Variants in GPC3 observed in about 807,000 individuals in gnomAD.
The protein encoded by GPC3 is glypican 3.
Under a neutral mutation model 34.4 loss-of-function variants are expected in GPC3, and 3 were observed. That is an observed-to-expected ratio of 0.09 (90% CI 0.04 to 0.23). The LOEUF (loss-of-function observed/expected upper bound fraction) is 0.23. GPC3 is among the 10% of genes least tolerant of loss of function. GPC3 has a pLI of 1.00. For missense variants in GPC3, 351 were observed against 445.6 expected (o/e 0.79, Z 1.91); for synonymous variants, 177 against 174.0 (o/e 1.02, Z -0.13).
chrX:133,588,301 G>A (rs948101424), intron 7 of GPC3, among the ~76,000 whole-genome samples: 2 of 111,118 alleles, frequency 1.8e-5, no homozygotes, highest in African/African-American at 6.5e-5. Context: ...GTTACCAACA[G>A]GGTAGTATAA....
intron 7 of GPC3, among the ~76,000 whole-genome samples, chrX:133,569,386 T>G (rs751687276): frequency 9.0e-6 from 1 of 111,538 alleles, no homozygotes; most frequent in South Asian, 3.8e-4. Context: ...AGACCAACTA[T>G]GGGACACTGA....
chrX:133,751,159 A>G (rs189001431), intron 3 of GPC3, among the ~76,000 whole-genome samples: 1 of 110,953 alleles, frequency 9.0e-6, no homozygotes, highest in African/African-American at 3.3e-5. Context: ...TTCCAGATCA[A>G]TTGTGTTGCT....
At chrX:133,547,697 G>C (rs936851967) in intron 7 of GPC3, among the ~76,000 whole-genome samples, 1 of 109,471 alleles carries the variant, frequency 9.1e-6, no homozygotes, top group African/African-American at 3.3e-5. Context: ...TTGAGACAGG[G>C]TCTGGCTCTG....
chrX:133,790,523 C>A (rs2072149718), intron 2 of GPC3, among the ~76,000 whole-genome samples: 1 of 111,818 alleles, frequency 8.9e-6, no homozygotes, highest in African/African-American at 3.3e-5. Context: ...ATATACATAT[C>A]TTTCAAAAGA....
chrX:133,750,095 T>C (rs780691545), intron 3 of GPC3, among the ~76,000 whole-genome samples: 1 of 111,954 alleles, frequency 8.9e-6, no homozygotes, highest in Admixed American at 9.4e-5. Flanking sequence ...CACACTCTCA[T>C]AACCAGCTGG....
At chrX:133,643,509 GTATT>G (rs1284046362) in intron 6 of GPC3, among the ~76,000 whole-genome samples, 1 of 111,820 alleles carries the variant, frequency 8.9e-6, no homozygotes, top group East Asian at 2.8e-4. Flanking sequence ...TTTTTAAAAA[GTATT>G]TGGGCAGAGT....
intron 2 of GPC3, among the ~76,000 whole-genome samples, chrX:133,807,736 T>C (rs2075643789): frequency 8.9e-6 from 1 of 112,379 alleles, no homozygotes; most frequent in South Asian, 3.7e-4. Flanking sequence ...GCTCAAGAGA[T>C]GTACAAATCT....
intron 5 of GPC3, among the ~76,000 whole-genome samples, chrX:133,670,325 C>G (rs957863048): frequency 2.7e-5 from 3 of 111,501 alleles, no homozygotes; most frequent in African/African-American, 9.8e-5. Flanking sequence ...ATCACAAGTC[C>G]CACATTTAGA....
At chrX:133,572,596 G>A (rs1326603434) in intron 7 of GPC3, among the ~76,000 whole-genome samples, 1 of 111,401 alleles carries the variant, frequency 9.0e-6, no homozygotes, top group Non-Finnish European at 1.9e-5. Flanking sequence ...GAAATTACAA[G>A]AAGACCTAAA....
At chrX:133,909,099 A>C (rs767644062) in intron 2 of GPC3, among the ~76,000 whole-genome samples, 1 of 112,500 alleles carries the variant, frequency 8.9e-6, no homozygotes, top group Non-Finnish European at 1.9e-5. Context: ...TGTATTCCTC[A>C]CAGTGCTTAG....
intron 3 of GPC3, among the ~76,000 whole-genome samples, chrX:133,748,012 C>A (rs1306172035): frequency 1.8e-5 from 2 of 112,008 alleles, no homozygotes; most frequent in Non-Finnish European, 3.8e-5. Context: ...AATAAAAGTG[C>A]AAACCACCAT....
At chrX:133,851,374 C>T (rs867017481) in intron 2 of GPC3, among the ~76,000 whole-genome samples, 13 of 111,824 alleles carry the variant, frequency 1.2e-4, no homozygotes, top group African/African-American at 3.2e-4. Context: ...GATTACTTAG[C>T]TCTCTAGGTA....
intron 3 of GPC3, among the ~76,000 whole-genome samples, chrX:133,743,690 G>A (rs989164606): frequency 8.9e-6 from 1 of 112,242 alleles, no homozygotes; most frequent in Non-Finnish European, 1.9e-5. Flanking sequence ...CCCCCACAAG[G>A]TAGGAGGCTA....
intron 6 of GPC3, among the ~76,000 whole-genome samples, chrX:133,628,501 C>T (rs1440026651): frequency 9.1e-6 from 1 of 109,967 alleles, no homozygotes; most frequent in Middle Eastern, 4.3e-3. Context: ...ACTAAACATA[C>T]AAAAATTAGC....
chrX:133,840,590 TATCATC>T (rs760935848), intron 2 of GPC3, among the ~76,000 whole-genome samples: 195 of 109,945 alleles, frequency 1.8e-3, no homozygotes, highest in Non-Finnish European at 2.5e-3. Flanking sequence ...ATATGTTAAC[TATCATC>T]ATCATCATCA....
At chrX:133,791,496 T>C (rs2072159556) in intron 2 of GPC3, among the ~76,000 whole-genome samples, 1 of 111,901 alleles carries the variant, frequency 8.9e-6, no homozygotes, top group Non-Finnish European at 1.9e-5. Context: ...TGTTTCCTGA[T>C]ACATAGAAGC....
At chrX:133,824,122 T>A (rs2075734363) in intron 2 of GPC3, among the ~76,000 whole-genome samples, 1 of 104,236 alleles carries the variant, frequency 9.6e-6, no homozygotes, top group African/African-American at 3.5e-5. Flanking sequence ...AATGTTCAAA[T>A]AACCCAAAGG....
chrX:133,919,089 C>T (rs1297784507), intron 2 of GPC3, among the ~76,000 whole-genome samples: 1 of 111,697 alleles, frequency 9.0e-6, no homozygotes, highest in East Asian at 2.8e-4. Flanking sequence ...GAACTAGGAG[C>T]AGAAATGGCA....
chrX:133,716,382 T>C (rs1427729864), intron 3 of GPC3, among the ~76,000 whole-genome samples: 5 of 112,234 alleles, frequency 4.5e-5, no homozygotes, highest in Non-Finnish European at 9.4e-5. Flanking sequence ...ACTAGCCATT[T>C]TAAATATGTT....
Sources: gnomAD v4.1 joint callset for allele counts (sites outside exome capture counted in the v4.1 genomes callset) on GRCh38, gnomAD v4.1.1 for gene constraint, MANE v1.5 for transcripts, NCBI Gene and HGNC (gene_info 2026-07-23, HGNC 2026-07-21) for gene names.